LAMA3: variants seen among roughly 807,000 people sequenced by gnomAD.
The protein encoded by LAMA3 is laminin subunit alpha-3.
Under a neutral mutation model 402.0 loss-of-function variants are expected in LAMA3, and 281 were observed. That is an observed-to-expected ratio of 0.70 (90% confidence interval 0.63 to 0.77). The LOEUF (loss-of-function observed/expected upper bound fraction) is 0.77. LAMA3 is among the 30% of genes least tolerant of loss of function. LAMA3 has a pLI of 0.00. For missense variants in LAMA3, 3,840 were observed against 4,215.5 expected, an observed-to-expected ratio of 0.91 and a Z score of 2.47; for synonymous variants, 1,431 against 1,558.4, an observed-to-expected ratio of 0.92 and a Z score of 1.93.
intron 70 of LAMA3, among the ~76,000 whole-genome samples, chr18:23,947,943 C>G (rs542206981): frequency 1.3e-5 from 2 of 152,078 alleles, no homozygotes; most frequent in South Asian, 4.2e-4. Context: ...TCCTAAGTAG[C>G]TGGGACTACA....
chr18:23,733,915 A>C (rs1418485450), intron 2 of LAMA3, among the ~76,000 whole-genome samples: 2 of 152,216 alleles, frequency 1.3e-5, no homozygotes, highest in African/African-American at 4.8e-5. Flanking sequence ...CTACTGAATT[A>C]GAATTTCCAG....
chr18:23,872,878 TGCGCTCTGGCACA>T, intron 38 of LAMA3: 1 of 723,046 alleles, frequency 1.4e-6, no homozygotes, highest in South Asian at 1.7e-5. Context: ...GACTGTTATG[TGCGCTCTGGCACA>T]GGCTGACTCA....
chr18:23,937,477 T>G (rs561299102), intron 67 of LAMA3, among the ~76,000 whole-genome samples: 1 of 144,806 alleles, frequency 6.9e-6, no homozygotes, highest in Non-Finnish European at 1.5e-5. Context: ...AGAAGAAGAG[T>G]AGGACATGAG....
At chr18:23,919,086 C>A (rs2081741863) in intron 60 of LAMA3, among the ~76,000 whole-genome samples, 1 of 152,216 alleles carries the variant, frequency 6.6e-6, no homozygotes, top group African/African-American at 2.4e-5. Context: ...GAAAACTTAA[C>A]ATAATACCAT....
At chr18:23,782,861 A>T (rs1206586911) in intron 11 of LAMA3, among the ~76,000 whole-genome samples, 4 of 135,212 alleles carry the variant, frequency 3.0e-5, no homozygotes, top group Non-Finnish European at 6.3e-5. Context: ...TGACTTCATT[A>T]TTATTTTTGA....
At chr18:23,815,004 G>T (rs1342153911) in intron 15 of LAMA3, among the ~76,000 whole-genome samples, 184 bp from the exon 16 acceptor site, 5 of 152,192 alleles carry the variant, frequency 3.3e-5, no homozygotes, top group Non-Finnish European at 7.3e-5. Flanking sequence ...AGTGTGGATT[G>T]GTCTGTTCTG....
intron 67 of LAMA3, among the ~76,000 whole-genome samples, chr18:23,938,161 C>A (rs976344123): frequency 1.3e-5 from 2 of 152,132 alleles, no homozygotes; most frequent in Non-Finnish European, 2.9e-5. Flanking sequence ...TCTCTTCGTG[C>A]TAATATGGAA....
rs776398723 is a variant in LAMA3 at position 23,944,905 on chromosome 18, C to T, written c.9210+934C>T. 5.9e-5 allele frequency among the ~76,000 whole-genome samples: 9 copies of T among 152,180 alleles called. No homozygotes were observed. In the South Asian group the frequency reaches 1.2e-3, roughly 21 times the overall value. On this transcript the variant is annotated intron_variant, in intron 69 of 74. Transcript: ENST00000313654. Reference sequence around the variant, plus strand: ...ATCCCAGCACTTTGGGAGGCCAAGGCGGGCTGATCACAAGGTCAGGAGTTC... The same window carrying T: ...ATCCCAGCACTTTGGGAGGCCAAGGTGGGCTGATCACAAGGTCAGGAGTTC...
At chr18:23,951,541 A>C in intron 72 of LAMA3, 143 bp from the exon 73 acceptor site, 2 of 681,004 alleles carry the variant, frequency 2.9e-6, no homozygotes, top group Non-Finnish European at 5.4e-6. Flanking sequence ...CCATGTGGTC[A>C]AATGCTTCAA....
chr18:23,710,430 C>T (rs1009250453), intron 1 of LAMA3: 2 of 221,844 alleles, frequency 9.0e-6, no homozygotes, highest in African/African-American at 4.7e-5. Flanking sequence ...ACCTTGGCCT[C>T]CCTGAGAAAG....
chr18:23,908,013 C>T, intron 54 of LAMA3, 78 bp downstream of exon 54: 1 of 1,390,488 alleles, frequency 7.2e-7, no homozygotes, highest in Non-Finnish European at 1.0e-6. Flanking sequence ...CCATTCTTCC[C>T]TGGTAAAGTC....
chr18:23,711,441 C>G (rs1711460), intron 1 of LAMA3, among the ~76,000 whole-genome samples: 82,393 of 152,040 alleles, frequency 0.54, 23,468 homozygotes, highest in Middle Eastern at 0.63. Flanking sequence ...AGAGGGACTG[C>G]TATATCAGCA....
At chr18:23,710,181 G>A in intron 1 of LAMA3, 1 of 672,454 alleles carries the variant, frequency 1.5e-6, no homozygotes, top group South Asian at 1.4e-5. Flanking sequence ...ATCTTTTTTT[G>A]TGTGGCTGTG....
chr18:23,933,145 T>C (rs1262332840), intron 66 of LAMA3, among the ~76,000 whole-genome samples: 2 of 152,206 alleles, frequency 1.3e-5, no homozygotes, highest in Admixed American at 6.5e-5. Context: ...GAAGTTTCCT[T>C]ATATTTACCA....
At chr18:23,921,134 A>G in intron 61 of LAMA3, 80 bp downstream of exon 61, 1 of 1,445,890 alleles carries the variant, frequency 6.9e-7, no homozygotes, top group Non-Finnish European at 9.6e-7. Context: ...CCAAATAAAT[A>G]AATAAAACTT....
chr18:23,709,173 C>T (rs566324004), intron 1 of LAMA3, among the ~76,000 whole-genome samples: 24 of 151,974 alleles, frequency 1.6e-4, no homozygotes, highest in Admixed American at 5.9e-4. Context: ...TGGACTCAAG[C>T]GATCCTCCCA....
chr18:23,905,656 G>A (rs1474488154), intron 52 of LAMA3, 32 bp downstream of exon 52: 1 of 1,301,364 alleles, frequency 7.7e-7, no homozygotes, highest in Admixed American at 1.7e-5. Flanking sequence ...GGCAGGGATA[G>A]TCAGGAGCTT....
Position 23,931,190 on chromosome 18 carries a change from C to T in LAMA3, c.8565C>T (p.Ser2855=), listed in dbSNP as rs140217909. ...DGLLHYVSVI[S]DNSGLRLLID... ...TACTGCATTATGTATCTGTAATAAGCGACAACTCTGGGTGAGTGGAATAAT... is the reference window on the plus strand; with the variant it reads ...TACTGCATTATGTATCTGTAATAAGTGACAACTCTGGGTGAGTGGAATAAT... The change falls in exon 65 of 75, where the codon AGC becomes AGT. Residue 2855 remains serine, a synonymous_variant. Transcript: ENST00000313654. The T allele has an allele frequency of 1.4e-5, 22 of 1,612,170 alleles. No individual in the cohort carries two copies. The highest frequency in any genetic ancestry group is 6.7e-5 in the African/African-American group (5 of 74,860).
At chr18:23,884,351 C>T (rs922302761) in intron 40 of LAMA3, among the ~76,000 whole-genome samples, 2 of 152,102 alleles carry the variant, frequency 1.3e-5, no homozygotes, top group Admixed American at 6.6e-5. Context: ...GGCAATGTGC[C>T]TGATAGAAAA....
Sources: gnomAD v4.1 joint callset for allele counts (sites outside exome capture counted in the v4.1 genomes callset) on GRCh38, gnomAD v4.1.1 for gene constraint, MANE v1.5 for transcripts, NCBI Gene and HGNC (gene_info 2026-07-23, HGNC 2026-07-21) for gene names.